NSD2: variants seen among roughly 807,000 people sequenced by gnomAD.
NSD2 encodes the protein nuclear receptor binding SET domain protein 2, also known as histone-lysine N-methyltransferase NSD2.
A neutral mutation model predicts 139.0 loss-of-function variants in NSD2; 12 were observed. That is an observed-to-expected ratio of 0.09 (90% CI 0.06 to 0.14). NSD2 has a LOEUF of 0.14. Ranked by LOEUF, NSD2 falls within the 10% of genes least tolerant of loss-of-function variation. The probability of loss-of-function intolerance (pLI) is 1.00; values close to 1 mark genes in which losing one functional copy is unlikely to be tolerated. For synonymous variants in NSD2, 669 were observed against 648.7 expected, an observed-to-expected ratio of 1.03 and a Z score of -0.48; for missense variants, 1,155 against 1,745.0, an observed-to-expected ratio of 0.66 and a Z score of 6.02.
At chr4:1,894,331 G>T (rs1260934477) in intron 1 of NSD2, among the ~76,000 whole-genome samples, 1 of 151,942 alleles carries the variant, frequency 6.6e-6, no homozygotes, top group Non-Finnish European at 1.5e-5. Flanking sequence ...CATTTATTTT[G>T]CTCAGAACAT....
intron 9 of NSD2, chr4:1,940,759 C>T: frequency 2.8e-6 from 3 of 1,059,976 alleles, no homozygotes; most frequent in Non-Finnish European, 3.4e-6. Context: ...CAGGTCTCTG[C>T]CATGGTCCCC....
chr4:1,981,937 T>G lies in NSD2; in HGVS notation c.*3028T>G. ...GAGGTGTGAAATGCCCCGTCAGAAA[T>G]TAAATACAAACTTAAATGTGCCTAT... is the stretch of plus-strand genomic sequence containing the variant. On this transcript the variant is annotated 3_prime_UTR_variant, in exon 22 of 22. Transcript: ENST00000508803. 1 of 398,574 alleles carries G rather than the reference T, an allele frequency of 2.5e-6. No homozygotes were observed. The highest frequency in any genetic ancestry group is 6.3e-4 in the Middle Eastern group (1 of 1,588). The allele number at this position is 398,574 out of a possible 1,614,324, so 24.7% of individuals were successfully genotyped here.
chr4:1,922,868 G>A (rs745354007), intron 5 of NSD2, among the ~76,000 whole-genome samples: 2 of 152,248 alleles, frequency 1.3e-5, no homozygotes, highest in African/African-American at 2.4e-5. Context: ...GGAGGTTGCA[G>A]TGAGCTGGGA....
Position 1,918,157 on chromosome 4 carries a change from C to T in NSD2, c.944C>T (p.Ser315Leu), listed in dbSNP as rs1488845434. Residue 315 changes from serine to leucine, a missense_variant, in exon 5 of 22, where the codon TCA becomes TTA. Ser to Leu is a moderately radical substitution (Grantham distance 145). Coordinates refer to ENST00000508803, the MANE Select transcript of NSD2 (RefSeq NM_001042424.3). ...AEKIKLLKPI[S>L]GKLRAQWEMG... ...TTTTCCCAGCTATTGAAACCAATTT[C>T]AGGGAAATTGAGGGCCCAGTGGGAA... 6.2e-7 allele frequency: 1 copy of T among 1,607,128 alleles called. No homozygotes were observed. Among genetic ancestry groups the T allele is most frequent in the Non-Finnish European group, 8.5e-7 (1 of 1,177,320 alleles).
intron 3 of NSD2, among the ~76,000 whole-genome samples, chr4:1,915,594 TCC>T (rs1719282622): frequency 6.6e-6 from 1 of 152,170 alleles, no homozygotes; most frequent in Non-Finnish European, 1.5e-5. Flanking sequence ...ACTGGATGCT[TCC>T]CTGGGTCCAG....
At position 1,871,480 on chromosome 4, in the gene NSD2, C is replaced by T. The variant is rs1214340769; in HGVS notation, c.-92C>T. ...CCGCCTGGGCCCTACCGCCGCACGG[C>T]CCCGGCCCCCTCCCAGCCTGCCGCT... is the stretch of plus-strand genomic sequence containing the variant. On this transcript the variant is annotated 5_prime_UTR_variant, in exon 1 of 22. Transcript: ENST00000508803. The T allele has an allele frequency of 1.3e-5, 2 of 149,992 alleles. No homozygotes were observed. Among genetic ancestry groups the T allele is most frequent in the African/African-American group, 4.9e-5 (2 of 41,080 alleles). 9.3% of individuals were successfully genotyped at this position (149,992 alleles called of 1,614,324 possible).
At chr4:1,911,036 C>G (rs1718592679) in intron 3 of NSD2, among the ~76,000 whole-genome samples, 1 of 152,092 alleles carries the variant, frequency 6.6e-6, no homozygotes, top group African/African-American at 2.4e-5. Flanking sequence ...GCAGCCTTGT[C>G]TCTTGGTGGG....
At chr4:1,931,670 C>T (rs1317312385) in intron 6 of NSD2, among the ~76,000 whole-genome samples, 1 of 152,174 alleles carries the variant, frequency 6.6e-6, no homozygotes, top group Non-Finnish European at 1.5e-5. Context: ...TCACCTTTCT[C>T]TTTCTCAGAT....
chr4:1,906,654 CTTTTT>C (rs537619996), intron 3 of NSD2, among the ~76,000 whole-genome samples: 36 of 99,954 alleles, frequency 3.6e-4, no homozygotes, highest in African/African-American at 6.4e-4. Context: ...CTCTCTCTCT[CTTTTT>C]TTTTTTTTTT....
chr4:1,944,076 A>G (rs1723376157), intron 9 of NSD2: 1 of 1,065,564 alleles, frequency 9.4e-7, no homozygotes, highest in Non-Finnish European at 1.1e-6. Flanking sequence ...ATGATAGTGT[A>G]TCTCAGCGGG....
chr4:1,962,529 T>A lies in NSD2; in HGVS notation c.3372+1378T>A, dbSNP rs77556490. ...TTACTTTCAAAGGATCGGGAAAAAATTTGTGTGTGTATACATATATCCATA... is the reference window on the plus strand; with the variant it reads ...TTACTTTCAAAGGATCGGGAAAAAAATTGTGTGTGTATACATATATCCATA... On this transcript the variant is annotated intron_variant, in intron 18 of 21. Coordinates refer to ENST00000508803, the MANE Select transcript of NSD2 (RefSeq NM_001042424.3). 3.0e-3 allele frequency among the ~76,000 whole-genome samples: 454 copies of A among 152,226 alleles called. 25 individuals carry two copies. In the East Asian group the frequency reaches 0.081, roughly 27 times the overall value.
intron 1 of NSD2, among the ~76,000 whole-genome samples, chr4:1,887,236 G>A (rs1281608386): frequency 6.6e-6 from 1 of 152,178 alleles, no homozygotes; most frequent in Non-Finnish European, 1.5e-5. Context: ...TCCTTGCAGC[G>A]TGGTGGCTGG....
chr4:1,893,997 T>A lies in NSD2; in HGVS notation c.-29-6629T>A, dbSNP rs1715897745. On this transcript the variant is annotated intron_variant, in intron 1 of 21. Transcript: ENST00000508803. ...CCAGGCTGCAGTACAGCGGCATGCT[T>A]ATAGGTTGCTGTAGCCTCGAATTCT... 2.0e-5 allele frequency: 3 copies of A among 152,254 alleles called. No homozygotes were observed. In the South Asian group the frequency reaches 6.2e-4, roughly 31 times the overall value. The allele number at this position is 152,254 out of a possible 1,614,324, so 9.4% of individuals were successfully genotyped here.
chr4:1,968,958 TGTACACAAA>T (rs1726158044), intron 18 of NSD2, among the ~76,000 whole-genome samples: 1 of 152,180 alleles, frequency 6.6e-6, no homozygotes, highest in African/African-American at 2.4e-5. Context: ...GAACAAAAAA[TGTACACAAA>T]GTACATCTTC....
At position 1,956,244 on chromosome 4, in the gene NSD2, C is replaced by T; in HGVS notation, c.2881+56C>T. ...AGCACTCTCGTGCATTTTCTTACCCCTAATTTCTATTTTTTAAAATTTGAT... is the reference window on the plus strand; with the variant it reads ...AGCACTCTCGTGCATTTTCTTACCCTTAATTTCTATTTTTTAAAATTTGAT... On this transcript the variant is annotated intron_variant, in intron 15 of 21. Transcript: ENST00000508803. This position sits in a 1 kb window ranked among gnomAD's most constrained non-coding sequence, Gnocchi z 5.3. The T allele has an allele frequency of 7.0e-7, 1 of 1,436,124 alleles. No individual in the cohort carries two copies. Among genetic ancestry groups the T allele is most frequent in the Non-Finnish European group, 9.3e-7 (1 of 1,071,320 alleles). The allele number at this position is 1,436,124 out of a possible 1,614,324, so 89.0% of individuals were successfully genotyped here.
chr4:1,872,581 T>TGAGAGAGAGAGA (rs1713882211), intron 1 of NSD2, among the ~76,000 whole-genome samples: 1 of 66,198 alleles, frequency 1.5e-5, no homozygotes, highest in African/African-American at 5.2e-5. Context: ...TGTGTGTGTG[T>TGAGAGAGAGAGA]GTGTGTGTGT....
rs373450281 is a variant in NSD2, at chr4:1,948,540, C to G, written c.1882-2532C>G. ...CCCCGACTGTGGCTAGTTGTCTGTC[C>G]GGTGGCTGGGAGGGGGTGTGGTGGG... On this transcript the variant is annotated intron_variant, in intron 9 of 21. Coordinates refer to ENST00000508803, the MANE Select transcript of NSD2 (RefSeq NM_001042424.3). The surrounding 1 kb of genome is among the most constrained non-coding windows in gnomAD (Gnocchi z 4.5). 1.4e-5 allele frequency: 15 copies of G among 1,064,228 alleles called. No homozygotes were observed. In the South Asian group the frequency reaches 6.4e-4, roughly 45 times the overall value. The allele number at this position is 1,064,228 out of a possible 1,614,324, so 65.9% of individuals were successfully genotyped here.
intron 5 of NSD2, chr4:1,918,936 T>C (rs1475789767): frequency 8.4e-6 from 2 of 238,110 alleles, no homozygotes; most frequent in Admixed American, 5.1e-5. Flanking sequence ...TTGCTTCAGC[T>C]CAGGAGTTTG....
At chr4:1,937,994 T>A (rs1181889687) in intron 7 of NSD2, among the ~76,000 whole-genome samples, 2 of 152,258 alleles carry the variant, frequency 1.3e-5, no homozygotes, top group Non-Finnish European at 2.9e-5. Context: ...TGGTCCTGAC[T>A]TAGCAGGGCT....
Sources: allele counts gnomAD v4.1 joint callset (sites outside exome capture counted in the v4.1 genomes callset), GRCh38; gene constraint gnomAD v4.1.1; non-coding constraint Gnocchi (gnomAD v3.1); transcripts MANE v1.5; gene names NCBI Gene and HGNC (gene_info 2026-07-23, HGNC 2026-07-21).